Variants in DPP6 observed in about 807,000 individuals in gnomAD.
DPP6 encodes dipeptidyl peptidase like 6.
In DPP6, 69 loss-of-function variants were observed where a neutral mutation model predicts 122.6. The ratio of observed to expected loss-of-function variants is 0.56; its 90% confidence interval spans 0.46 to 0.69. The LOEUF is 0.69. DPP6 is among the 30% of genes least tolerant of loss of function. DPP6 has a pLI of 0.00. For missense variants in DPP6, 928 were observed against 1,116.9 expected (o/e 0.83, Z 2.41); for synonymous variants, 418 against 433.1 (o/e 0.97, Z 0.43).
At chr7:154,420,668 T>C (rs1191882336) in intron 1 of DPP6, among the ~76,000 whole-genome samples, 1 of 152,178 alleles carries the variant, frequency 6.6e-6, no homozygotes, top group African/African-American at 2.4e-5. Context: ...AATAATAATG[T>C]GTATTTCAAA....
chr7:154,165,821 G>C (rs1174235526), intron 1 of DPP6, among the ~76,000 whole-genome samples: 2 of 152,174 alleles, frequency 1.3e-5, no homozygotes, highest in African/African-American at 2.4e-5. Context: ...AGAAGTATCT[G>C]TTCATGTCCT....
At chr7:154,211,246 G>T (rs1338727354) in intron 1 of DPP6, among the ~76,000 whole-genome samples, 1 of 152,184 alleles carries the variant, frequency 6.6e-6, no homozygotes, top group Non-Finnish European at 1.5e-5. Flanking sequence ...GGCTGGAGGA[G>T]GGAACAAGCT....
At chr7:153,989,398 G>A (rs1262106309) in intron 1 of DPP6, among the ~76,000 whole-genome samples, 1 of 151,268 alleles carries the variant, frequency 6.6e-6, no homozygotes, top group Non-Finnish European at 1.5e-5. Context: ...GTGATTGTGT[G>A]TACACACACG....
At chr7:154,834,498 CAAAAACAAAA>C (rs1414636681) in intron 16 of DPP6, among the ~76,000 whole-genome samples, 4 of 151,240 alleles carry the variant, frequency 2.6e-5, no homozygotes, top group Admixed American at 2.0e-4. Context: ...AAAACAAAAA[CAAAAACAAAA>C]AAAACCAGCT....
At chr7:153,760,361 A>G in the DPP6 span, among the ~76,000 whole-genome samples, 2 of 152,212 alleles carry the variant, frequency 1.3e-5, no homozygotes, top group Non-Finnish European at 2.9e-5. Flanking sequence ...TAAAAGTTGC[A>G]GCAGCTCTGG....
chr7:153,993,082 T>A (rs574977950), intron 1 of DPP6, among the ~76,000 whole-genome samples: 1 of 152,222 alleles, frequency 6.6e-6, no homozygotes, highest in East Asian at 1.9e-4. Flanking sequence ...ATATGAAATA[T>A]CATAAGTAGA....
At chr7:154,019,491 C>T (rs187979189) in intron 1 of DPP6, among the ~76,000 whole-genome samples, 4,549 of 151,496 alleles carry the variant, frequency 0.03, 208 homozygotes, top group African/African-American at 0.1. Context: ...CTCTATCCCT[C>T]TCCCTTTCTT....
intron 16 of DPP6, among the ~76,000 whole-genome samples, chr7:154,825,623 T>C (rs1050221391): frequency 6.6e-6 from 1 of 152,142 alleles, no homozygotes; most frequent in African/African-American, 2.4e-5. Flanking sequence ...GCCTCAGTGT[T>C]GAGGAAGCCA....
chr7:153,938,278 C>A (rs985966195), intron 1 of DPP6, among the ~76,000 whole-genome samples: 9 of 152,290 alleles, frequency 5.9e-5, no homozygotes, highest in African/African-American at 2.2e-4. Context: ...CTTTTCAGAT[C>A]TGGGGATTGG....
Position 154,602,836 on chromosome 7 carries a change from C to T in DPP6, c.628-34985C>T, listed in dbSNP as rs932290137. Among the ~76,000 whole-genome samples, 27 of 117,996 alleles carry T rather than the reference C, an allele frequency of 2.3e-4. 6 individuals carry two copies. The highest frequency in any genetic ancestry group is 7.0e-4 in the African/African-American group (26 of 37,162). The allele number at this position is 117,996 out of a possible 152,430, so 77.4% of individuals were successfully genotyped here. A position where few individuals can be genotyped will look rare whatever the true frequency, so the allele number is the denominator to read the frequency against. ...GATCTCTATTCACTGCAACCTCTGC[C>T]TCCCATCTTAATTCTTTTTTATAGA... On this transcript the variant is annotated intron_variant, in intron 5 of 25. Coordinates refer to ENST00000377770, the MANE Select transcript of DPP6 (RefSeq NM_130797.4).
At position 154,445,748 on chromosome 7, in the gene DPP6, C is replaced by T. The variant is rs146458083; in HGVS notation, c.244-466C>T. On this transcript the variant is annotated intron_variant, in intron 1 of 25. Transcript: ENST00000377770. ...GCTAAATAAATATTTAAATTTGGTA[C>T]CCTGAAATAGAAGTTGATCACATGG... Among the ~76,000 whole-genome samples, 301 of 148,262 alleles carry T rather than the reference C, an allele frequency of 2.0e-3. 1 individual carries two copies. Among genetic ancestry groups the T allele is most frequent in the African/African-American group, 5.5e-3 (221 of 39,980 alleles).
the DPP6 span, among the ~76,000 whole-genome samples, chr7:153,788,948 T>A: frequency 0.44 from 66,673 of 149,996 alleles, 15,021 homozygotes; most frequent in South Asian, 0.54. Flanking sequence ...CTGGGCAACA[T>A]GAGCGAAAGT....
rs1820939725 is a variant in DPP6, at chr7:154,457,966, G to T, written c.358+11638G>T. Among the ~76,000 whole-genome samples, 9 of 147,508 alleles carry T rather than the reference G, an allele frequency of 6.1e-5. 4 individuals carry two copies. The South Asian group carries it at 2.0e-3, about 33-fold the overall frequency. On this transcript the variant is annotated intron_variant, in intron 2 of 25. Transcript: ENST00000377770. ...GTGCACATGTACCCTAAAACTTAGA[G>T]TATAATAAAAAAAAAAAAAAAGAAG... is the stretch of plus-strand genomic sequence containing the variant.
At chr7:154,557,496 C>T (rs995447907) in intron 4 of DPP6, among the ~76,000 whole-genome samples, 6 of 152,098 alleles carry the variant, frequency 3.9e-5, no homozygotes, top group African/African-American at 1.4e-4. Flanking sequence ...GGGAGCATCT[C>T]TATTATAACC....
intron 4 of DPP6, among the ~76,000 whole-genome samples, chr7:154,549,505 C>T (rs1464180508): frequency 2.0e-5 from 3 of 152,070 alleles, no homozygotes; most frequent in South Asian, 2.1e-4. Context: ...GTTTACTTAG[C>T]GACAAGATGA....
intron 1 of DPP6, among the ~76,000 whole-genome samples, chr7:153,920,449 G>A (rs1479698427): frequency 6.6e-6 from 1 of 152,080 alleles, no homozygotes; most frequent in East Asian, 1.9e-4. Flanking sequence ...AGGCCTCAAA[G>A]CAGCGAGAAA....
At chr7:154,579,226 A>G (rs1831883848) in intron 5 of DPP6, among the ~76,000 whole-genome samples, 3 of 152,086 alleles carry the variant, frequency 2.0e-5, no homozygotes, top group African/African-American at 4.8e-5. Context: ...GTGGGCGCCT[A>G]TAATCACAGC....
intron 1 of DPP6, among the ~76,000 whole-genome samples, chr7:154,295,485 C>A (rs1030150692): frequency 2.0e-5 from 3 of 152,192 alleles, no homozygotes; most frequent in African/African-American, 7.2e-5. Flanking sequence ...TAATGCAGGG[C>A]TGCAGAGGGC....
intron 7 of DPP6, among the ~76,000 whole-genome samples, chr7:154,696,849 T>C (rs8180713): frequency 0.18 from 27,876 of 152,086 alleles, 3,494 homozygotes; most frequent in African/African-American, 0.36. Context: ...AGAGTGGAGT[T>C]AGGAGCCGGC....
Sources: gnomAD v4.1 joint callset for allele counts (sites outside exome capture counted in the v4.1 genomes callset) on GRCh38, gnomAD v4.1.1 for gene constraint, MANE v1.5 for transcripts, NCBI Gene and HGNC (gene_info 2026-07-23, HGNC 2026-07-21) for gene names.